Variants in GLCCI1 observed in about 807,000 individuals in gnomAD.
The protein encoded by GLCCI1 is glucocorticoid induced 1, also known as glucocorticoid-induced transcript 1 protein.
GLCCI1 carries 24 observed loss-of-function variants against 52.2 expected under a neutral mutation model. The ratio of observed to expected loss-of-function variants is 0.46; its 90% confidence interval spans 0.33 to 0.65. The LOEUF is 0.65. GLCCI1 is among the 30% of genes least tolerant of loss of function. GLCCI1 has a pLI of 0.02. For missense variants in GLCCI1, 704 were observed against 701.5 expected (o/e 1.00, Z -0.04); for synonymous variants, 310 against 276.5 (o/e 1.12, Z -1.20).
intron 2 of GLCCI1, among the ~76,000 whole-genome samples, chr7:8,017,682 A>G (rs2127947095): frequency 6.6e-6 from 1 of 152,258 alleles, no homozygotes; most frequent in Middle Eastern, 3.4e-3. Flanking sequence ...CTGAATTCCT[A>G]AAGCTTAAAA....
At chr7:8,025,256 A>G (rs1362794396) in intron 3 of GLCCI1, among the ~76,000 whole-genome samples, 2 of 152,100 alleles carry the variant, frequency 1.3e-5, no homozygotes, top group Admixed American at 6.6e-5. Flanking sequence ...GCTACTGGAA[A>G]TAAAACCAGG....
In GLCCI1 at chr7:8,086,664, C is replaced by G; in HGVS notation, c.*126C>G. The G allele has an allele frequency of 1.3e-6, 1 of 766,500 alleles. No individual in the cohort carries two copies. Among genetic ancestry groups the G allele is most frequent in the Non-Finnish European group, 2.1e-6 (1 of 480,990 alleles). 47.5% of individuals were successfully genotyped at this position (766,500 alleles called of 1,614,324 possible). On this transcript the variant is annotated 3_prime_UTR_variant, in exon 8 of 8. Transcript: ENST00000223145. The surrounding 1 kb of genome is among the most constrained non-coding windows in gnomAD (Gnocchi z 4.4). Reference sequence around the variant, plus strand: ...AATACTTATCAGCATCATAAAGTATCTCTTAAACACTGATCTTGGCAGGGA... The same window carrying G: ...AATACTTATCAGCATCATAAAGTATGTCTTAAACACTGATCTTGGCAGGGA...
At position 8,089,013 on chromosome 7, in the gene GLCCI1, T is replaced by C. The variant is rs1466190845; in HGVS notation, c.*2475T>C. 1 of 152,674 alleles carries C rather than the reference T, an allele frequency of 6.5e-6. No individual in the cohort carries two copies. Among genetic ancestry groups the C allele is most frequent in the Non-Finnish European group, 1.5e-5 (1 of 68,044 alleles). 9.5% of individuals were successfully genotyped at this position (152,674 alleles called of 1,614,324 possible). A position where few individuals can be genotyped will look rare whatever the true frequency, so the allele number is the denominator to read the frequency against. ...TTTACACAAGGAAATGTGTGGCTTT[T>C]GTTTTGTATTTTTTCAGTATAGAAG... On this transcript the variant is annotated 3_prime_UTR_variant, in exon 8 of 8. Coordinates refer to ENST00000223145, the MANE Select transcript of GLCCI1 (RefSeq NM_138426.4).
intron 1 of GLCCI1, chr7:7,982,044 GA>G: frequency 2.2e-6 from 1 of 461,472 alleles, no homozygotes; most frequent in East Asian, 5.9e-5. Context: ...TGGGAGAAAT[GA>G]AAGAGTAAAA....
chr7:8,024,329 T>C (rs553624433), intron 3 of GLCCI1, among the ~76,000 whole-genome samples: 35 of 152,244 alleles, frequency 2.3e-4, no homozygotes, highest in African/African-American at 8.4e-4. Flanking sequence ...ACCATACATG[T>C]ATGCAAAAAA....
At chr7:8,067,903 G>A (rs901907575) in intron 5 of GLCCI1, among the ~76,000 whole-genome samples, 2 of 152,168 alleles carry the variant, frequency 1.3e-5, no homozygotes, top group Admixed American at 1.3e-4. Flanking sequence ...CCTCTTTAGT[G>A]TGGGTGGGGA....
chr7:8,086,980 C>CAAAAAA lies in GLCCI1; in HGVS notation c.*456_*461dup, dbSNP rs58639900. The CAAAAAA allele has an allele frequency of 8.4e-6, 1 of 118,778 alleles. No individual in the cohort carries two copies. The highest frequency in any genetic ancestry group is 1.8e-5 in the Non-Finnish European group (1 of 55,802). 7.4% of individuals were successfully genotyped at this position (118,778 alleles called of 1,614,324 possible). A position where few individuals can be genotyped will look rare whatever the true frequency, so the allele number is the denominator to read the frequency against. ...TCTAACTTCTGTAATACATACAATGCAAAAAAAAAAAAAAAAAAATGGCCA... is the reference window on the plus strand; with the variant it reads ...TCTAACTTCTGTAATACATACAATGCAAAAAAAAAAAAAAAAAAAAAAAAATGGCCA... On this transcript the variant is annotated 3_prime_UTR_variant, in exon 8 of 8. Coordinates refer to ENST00000223145, the MANE Select transcript of GLCCI1 (RefSeq NM_138426.4). The surrounding 1 kb of genome is among the most constrained non-coding windows in gnomAD (Gnocchi z 4.4).
chr7:8,033,306 A>G (rs563118242), intron 3 of GLCCI1, among the ~76,000 whole-genome samples: 1 of 152,250 alleles, frequency 6.6e-6, no homozygotes, highest in East Asian at 1.9e-4. Flanking sequence ...CTCATATTAA[A>G]TGATAAAACA....
intron 3 of GLCCI1, among the ~76,000 whole-genome samples, chr7:8,053,289 GTTT>G (rs917039702): frequency 2.1e-5 from 3 of 140,204 alleles, no homozygotes; most frequent in African/African-American, 8.1e-5. Flanking sequence ...CCTTTTCATG[GTTT>G]TGTTTTGTTT....
intron 3 of GLCCI1, among the ~76,000 whole-genome samples, chr7:8,026,129 G>A: frequency 6.6e-6 from 1 of 152,090 alleles, no homozygotes; most frequent in East Asian, 1.9e-4. Flanking sequence ...TAGCACAAAG[G>A]AGTTAGGAAA....
At chr7:8,044,683 A>G (rs1414441279) in intron 3 of GLCCI1, among the ~76,000 whole-genome samples, 1 of 152,202 alleles carries the variant, frequency 6.6e-6, no homozygotes, top group Non-Finnish European at 1.5e-5. Context: ...TCTGTTCTTC[A>G]TAATTCACAT....
intron 6 of GLCCI1, among the ~76,000 whole-genome samples, chr7:8,080,952 G>A (rs1475309053): frequency 6.6e-6 from 1 of 151,054 alleles, no homozygotes; most frequent in Non-Finnish European, 1.5e-5. Flanking sequence ...TGTGGTTACA[G>A]GCGTAAGCCA....
At chr7:7,995,280 A>G (rs895005284) in intron 1 of GLCCI1, among the ~76,000 whole-genome samples, 1 of 152,166 alleles carries the variant, frequency 6.6e-6, no homozygotes, top group African/African-American at 2.4e-5. Flanking sequence ...AGGCTGAGGT[A>G]GGCAAATCAT....
rs145705473 is a variant in GLCCI1, at chr7:7,972,580, C to T, written c.457+2773C>T. Among the ~76,000 whole-genome samples the T allele has an allele frequency of 7.3e-3, 1,108 of 152,058 alleles. 18 individuals carry two copies. Among genetic ancestry groups the T allele is most frequent in the African/African-American group, 0.025 (1,044 of 41,484 alleles). On this transcript the variant is annotated intron_variant, in intron 1 of 7. Transcript: ENST00000223145. ...TAAAAATGTTTTTATGATTCTTTTA[C>T]CAAAAAATTATGAAACCACTCAATT...
intron 6 of GLCCI1, among the ~76,000 whole-genome samples, chr7:8,080,630 G>C (rs1208311349): frequency 6.6e-6 from 1 of 151,224 alleles, no homozygotes; most frequent in African/African-American, 2.5e-5. Flanking sequence ...TGTATGTACC[G>C]GAGTAGAGTA....
At chr7:7,971,546 G>A (rs1780353069) in intron 1 of GLCCI1, among the ~76,000 whole-genome samples, 1 of 152,194 alleles carries the variant, frequency 6.6e-6, no homozygotes, top group African/African-American at 2.4e-5. Context: ...GTGGGTGTGA[G>A]TAAGAGAAGT....
intron 3 of GLCCI1, among the ~76,000 whole-genome samples, chr7:8,031,150 A>G (rs1781739268): frequency 1.3e-5 from 2 of 152,216 alleles, no homozygotes; most frequent in Non-Finnish European, 1.5e-5. Flanking sequence ...GTGTCCGTCA[A>G]CAGATGAATG....
intron 6 of GLCCI1, among the ~76,000 whole-genome samples, chr7:8,082,346 A>G (rs1403183915): frequency 6.6e-6 from 1 of 152,176 alleles, no homozygotes; most frequent in African/African-American, 2.4e-5. Flanking sequence ...TTTAGAGTTC[A>G]TGAATGGCAA....
At chr7:8,048,602 AT>A (rs1782187753) in intron 3 of GLCCI1, among the ~76,000 whole-genome samples, 1 of 152,070 alleles carries the variant, frequency 6.6e-6, no homozygotes, top group African/African-American at 2.4e-5. Context: ...CTCTCTTTTC[AT>A]TTGAGGTAAA....
Sources: gnomAD v4.1 joint callset for allele counts (sites outside exome capture counted in the v4.1 genomes callset) on GRCh38, gnomAD v4.1.1 for gene constraint, Gnocchi (gnomAD v3.1) non-coding constraint, MANE v1.5 for transcripts, NCBI Gene and HGNC (gene_info 2026-07-23, HGNC 2026-07-21) for gene names.